DNAJB1: variants seen among roughly 807,000 people sequenced by gnomAD.
The protein encoded by DNAJB1 is DnaJ heat shock protein family (Hsp40) member B1.
A neutral mutation model predicts 24.0 loss-of-function variants in DNAJB1; 14 were observed. That is an observed-to-expected ratio of 0.58 (90% confidence interval 0.39 to 0.91). DNAJB1 has a LOEUF of 0.91. DNAJB1 is among the 40% of genes least tolerant of loss of function. The probability of loss-of-function intolerance (pLI) is 0.00; values close to 1 mark genes in which losing one functional copy is unlikely to be tolerated. For synonymous variants in DNAJB1, 262 were observed against 174.4 expected (o/e 1.50, Z -3.96); for missense variants, 517 against 458.1 (o/e 1.13, Z -1.17).
At chr19:14,555,866 G>T (rs990233495) in intron 1 of DNAJB1, among the ~76,000 whole-genome samples, 3 of 152,156 alleles carry the variant, frequency 2.0e-5, no homozygotes, top group Admixed American at 2.0e-4. Flanking sequence ...GATTCCAGGC[G>T]TGAGCCACTG....
At chr19:14,516,303 C>A in intron 2 of DNAJB1, 133 bp from the exon 3 acceptor site, 1 of 1,276,124 alleles carries the variant, frequency 7.8e-7, no homozygotes, top group Non-Finnish European at 1.1e-6. Flanking sequence ...CTACACGTCC[C>A]CACCACGAAA....
At chr19:14,519,329 G>A (rs955138301), upstream of DNAJB1, among the ~76,000 whole-genome samples, 1 of 152,168 alleles carries the variant, frequency 6.6e-6, no homozygotes, top group South Asian at 2.1e-4. Flanking sequence ...AGATCCGGCC[G>A]TTGCACTCCA....
At chr19:14,559,780 C>G (rs1397187770) in intron 1 of DNAJB1, among the ~76,000 whole-genome samples, 2 of 112,464 alleles carry the variant, frequency 1.8e-5, no homozygotes, top group Non-Finnish European at 3.7e-5. Context: ...GAGTGAGACT[C>G]TGTCTCAAAA....
chr19:14,546,210 C>T (rs999691902), intron 1 of DNAJB1, among the ~76,000 whole-genome samples: 6 of 152,140 alleles, frequency 3.9e-5, no homozygotes, highest in East Asian at 1.9e-4. Flanking sequence ...CAGACATTTC[C>T]GATCATAGAT....
chr19:14,534,346 G>C (rs1214583979), upstream of DNAJB1, among the ~76,000 whole-genome samples: 1 of 146,948 alleles, frequency 6.8e-6, no homozygotes, highest in Non-Finnish European at 1.5e-5. Context: ...GGATGGTCTC[G>C]ATCTCCTGAC....
At chr19:14,550,040 C>T (rs2073442906) in intron 1 of DNAJB1, among the ~76,000 whole-genome samples, 1 of 152,034 alleles carries the variant, frequency 6.6e-6, no homozygotes, top group Admixed American at 6.6e-5. Flanking sequence ...TCGCACGTCA[C>T]CTTTGAACAT....
chr19:14,547,864 G>A (rs2073357891), intron 1 of DNAJB1, among the ~76,000 whole-genome samples: 1 of 150,066 alleles, frequency 6.7e-6, no homozygotes, highest in South Asian at 2.1e-4. Context: ...GTCTTGCGAT[G>A]TTGCCCAGGT....
At chr19:14,550,131 CCTT>C (rs1314300304) in intron 1 of DNAJB1, among the ~76,000 whole-genome samples, 1 of 151,948 alleles carries the variant, frequency 6.6e-6, no homozygotes, top group African/African-American at 2.4e-5. Context: ...TTTTGTCTCT[CCTT>C]CTATAGCTGA....
chr19:14,545,512 G>C lies in DNAJB1; in HGVS notation c.-214+4696C>G, dbSNP rs1465445565. 3.3e-5 allele frequency among the ~76,000 whole-genome samples: 5 copies of C among 152,224 alleles called. No homozygotes were observed. The South Asian group carries it at 8.3e-4, about 25-fold the overall frequency. ...TTGAGCACCAGCAAGCCTAGGGGGT[G>C]GGGGGGATAGCCTCTCTCAGTCGTG... On this transcript the variant is annotated intron_variant, in intron 1 of 3. Transcript: ENST00000676982.
chr19:14,535,387 A>C (rs1175597639), intron 1 of DNAJB1, among the ~76,000 whole-genome samples: 1 of 150,122 alleles, frequency 6.7e-6, no homozygotes, highest in Non-Finnish European at 1.5e-5. Flanking sequence ...GGGTACCTGT[A>C]GTCCCAGCTA....
At chr19:14,518,634 CGGA>C (rs957280243), upstream of DNAJB1, among the ~76,000 whole-genome samples, 7 of 152,174 alleles carry the variant, frequency 4.6e-5, no homozygotes, top group African/African-American at 1.7e-4. Context: ...GCGCACAGGT[CGGA>C]GGAGGCCCCG....
At chr19:14,540,992 AT>A (rs957865253) in intron 1 of DNAJB1, among the ~76,000 whole-genome samples, 2 of 151,698 alleles carry the variant, frequency 1.3e-5, no homozygotes, top group African/African-American at 2.4e-5. Flanking sequence ...CACGCTGCTA[AT>A]TTTGGTATTT....
upstream of DNAJB1, among the ~76,000 whole-genome samples, chr19:14,552,428 C>G (rs987198558): frequency 6.6e-6 from 1 of 152,000 alleles, no homozygotes; most frequent in African/African-American, 2.4e-5. Flanking sequence ...GCTGGGTGGA[C>G]ACTCACATGG....
intron 1 of DNAJB1, among the ~76,000 whole-genome samples, chr19:14,546,712 T>G (rs1247386852): frequency 2.0e-5 from 3 of 152,198 alleles, no homozygotes; most frequent in South Asian, 2.1e-4. Flanking sequence ...TAAGACGGAG[T>G]CTTGCTCTGT....
chr19:14,515,979 C>G lies in DNAJB1; in HGVS notation c.984G>C (p.Gln328His). ...CCTGCTCAAGTACGGTTCTTGATGT[C>G]TGGGGAATCCTTTCGGGGAAGATCA... ...FEVIFPERIP[Q>H]TSRTVLEQVL... The change falls in exon 3 of 3, where the codon CAG becomes CAC. Residue 328 changes from glutamine (Q) to histidine (H), a missense_variant. Physicochemically the swap from Gln to His is conservative, Grantham distance 24. Coordinates refer to ENST00000254322, the MANE Select transcript of DNAJB1 (RefSeq NM_006145.3). 1 of 1,610,342 alleles carries G rather than the reference C, an allele frequency of 6.2e-7. No homozygotes were observed. The highest frequency in any genetic ancestry group is 8.5e-7 in the Non-Finnish European group (1 of 1,178,952).
upstream of DNAJB1, among the ~76,000 whole-genome samples, chr19:14,532,748 T>C (rs2072720451): frequency 1.3e-5 from 2 of 152,004 alleles, no homozygotes; most frequent in African/African-American, 4.8e-5. Flanking sequence ...TGTAGGTCAG[T>C]AAAAATAGAA....
chr19:14,557,117 AT>A (rs1257385424), intron 1 of DNAJB1, among the ~76,000 whole-genome samples: 10 of 134,210 alleles, frequency 7.5e-5, no homozygotes, highest in African/African-American at 2.6e-4. Context: ...GTCTAATCTT[AT>A]TTATTTATTT....
At chr19:14,518,532 A>G, upstream of DNAJB1, 1 of 437,078 alleles carries the variant, frequency 2.3e-6, no homozygotes, top group Non-Finnish European at 3.7e-6. Context: ...GCGACACGCG[A>G]CATCCGGGGC....
chr19:14,525,182 G>A (rs953288406), intron 2 of DNAJB1, among the ~76,000 whole-genome samples: 16 of 152,056 alleles, frequency 1.1e-4, no homozygotes, highest in African/African-American at 3.6e-4. Flanking sequence ...GCAGTGAGCC[G>A]AGATTGCGCC....
Sources: allele counts gnomAD v4.1 joint callset (sites outside exome capture counted in the v4.1 genomes callset), GRCh38; gene constraint gnomAD v4.1.1; transcripts MANE v1.5; gene names NCBI Gene and HGNC (gene_info 2026-07-23, HGNC 2026-07-21).